CLIC4: variants seen among roughly 807,000 people sequenced by gnomAD.
CLIC4 encodes chloride intracellular channel protein 4.
In CLIC4, 13 loss-of-function variants were observed where a neutral mutation model predicts 24.6. The ratio of observed to expected loss-of-function variants is 0.53; its 90% CI spans 0.34 to 0.84. The LOEUF (loss-of-function observed/expected upper bound fraction) is 0.84. Ranked by LOEUF, CLIC4 falls within the 40% of genes least tolerant of loss-of-function variation. CLIC4 has a pLI of 0.01. For missense variants in CLIC4, 227 were observed against 301.7 expected, an observed-to-expected ratio of 0.75 and a Z score of 1.83; for synonymous variants, 104 against 111.3, an observed-to-expected ratio of 0.93 and a Z score of 0.41.
intron 3 of CLIC4, among the ~76,000 whole-genome samples, chr1:24,821,923 A>G (rs1206428827): frequency 6.6e-6 from 1 of 152,136 alleles, no homozygotes; most frequent in Non-Finnish European, 1.5e-5. Flanking sequence ...CTCTGCTGTT[A>G]TTAATAACAC....
At chr1:24,799,609 G>A (rs1639453537) in intron 2 of CLIC4, among the ~76,000 whole-genome samples, 1 of 141,864 alleles carries the variant, frequency 7.0e-6, no homozygotes, top group African/African-American at 2.8e-5. Context: ...GGGGGGGTCA[G>A]CCCCCCGCCC....
chr1:24,768,323 C>T (rs1480804126), intron 1 of CLIC4, among the ~76,000 whole-genome samples: 1 of 152,128 alleles, frequency 6.6e-6, no homozygotes, highest in Admixed American at 6.5e-5. Flanking sequence ...TTGTGGTATT[C>T]ACCTTTACAA....
chr1:24,763,413 G>T (rs923629608), intron 1 of CLIC4, among the ~76,000 whole-genome samples: 1 of 151,274 alleles, frequency 6.6e-6, no homozygotes, highest in Non-Finnish European at 1.5e-5. Context: ...TGTGGCGCAT[G>T]CTTGTAGTCC....
At chr1:24,784,791 G>A (rs1490364072) in intron 1 of CLIC4, among the ~76,000 whole-genome samples, 1 of 152,030 alleles carries the variant, frequency 6.6e-6, no homozygotes, top group East Asian at 1.9e-4. Flanking sequence ...GGATCACGAG[G>A]TCAGGAGATC....
intron 4 of CLIC4, among the ~76,000 whole-genome samples, chr1:24,831,236 T>A (rs999611856): frequency 6.6e-6 from 1 of 152,250 alleles, no homozygotes; most frequent in African/African-American, 2.4e-5. Context: ...TTGAAAAAAA[T>A]TTATTTAAAT....
rs529950203 is a variant in CLIC4, at chr1:24,762,886, A to G, written c.72+17261A>G. 1.7e-4 allele frequency among the ~76,000 whole-genome samples: 26 copies of G among 152,190 alleles called. 1 individual carries two copies. Among genetic ancestry groups the G allele is most frequent in the Non-Finnish European group, 1.2e-4 (8 of 68,020 alleles). ...GGGATACATATGAAGGGAAGGCTTT[A>G]AAAAGTATGAGCTGTAAGAGCTGGG... On this transcript the variant is annotated intron_variant, in intron 1 of 5. Coordinates refer to ENST00000374379, the MANE Select transcript of CLIC4 (RefSeq NM_013943.3).
Position 24,797,739 on chromosome 1 carries a change from C to CGAA in CLIC4, c.73-3_73-2insGAA. 4 of 1,594,098 alleles carry CGAA rather than the reference C, an allele frequency of 2.5e-6. No individual in the cohort carries two copies. The highest frequency in any genetic ancestry group is 3.4e-6 in the Non-Finnish European group (4 of 1,171,598). ...GTTTTTAATGTTTAATTCTGTTTTC[C>CGAA]AGGCTGGCAGTGATGGTGAAAGCAT... On this transcript the variant is annotated splice_region_variant and splice_polypyrimidine_tract_variant and intron_variant, in intron 1 of 5. Transcript: ENST00000374379.
intron 2 of CLIC4, among the ~76,000 whole-genome samples, chr1:24,808,522 G>A (rs375868399): frequency 2.2e-4 from 30 of 137,642 alleles, no homozygotes; most frequent in African/African-American, 6.7e-4. Flanking sequence ...CCGCCCTGCC[G>A]CCCTTTTTTT....
intron 1 of CLIC4, among the ~76,000 whole-genome samples, chr1:24,771,461 A>G (rs1267622876): frequency 6.6e-6 from 1 of 152,018 alleles, no homozygotes; most frequent in Non-Finnish European, 1.5e-5. Flanking sequence ...TCTTCTTTTT[A>G]TATTTTAAAT....
intron 1 of CLIC4, among the ~76,000 whole-genome samples, chr1:24,784,698 C>G (rs1260407900): frequency 2.0e-5 from 3 of 152,196 alleles, no homozygotes; most frequent in Non-Finnish European, 4.4e-5. Flanking sequence ...GCAGTATCCT[C>G]TGCTTAGCTG....
chr1:24,746,931 G>T (rs1393097386), intron 1 of CLIC4, among the ~76,000 whole-genome samples: 1 of 152,134 alleles, frequency 6.6e-6, no homozygotes, highest in African/African-American at 2.4e-5. Context: ...CGAGGCTGCA[G>T]TGAGCCACGT....
At chr1:24,771,852 A>T in intron 1 of CLIC4, 1 of 514,846 alleles carries the variant, frequency 1.9e-6, no homozygotes. Context: ...TTCAAGTCCT[A>T]TGTGTATCCT....
chr1:24,771,485 A>C (rs1308700331), intron 1 of CLIC4, among the ~76,000 whole-genome samples: 1 of 151,950 alleles, frequency 6.6e-6, no homozygotes, highest in South Asian at 2.1e-4. Context: ...AAAAATTATT[A>C]TGTTCTTCTA....
At position 24,810,113 on chromosome 1, in the gene CLIC4, A is replaced by C. The variant is rs116472244; in HGVS notation, c.183-3981A>C. Among the ~76,000 whole-genome samples, 434 of 152,272 alleles carry C rather than the reference A, an allele frequency of 2.9e-3. 2 individuals are homozygous for C. Among genetic ancestry groups the C allele is most frequent in the Non-Finnish European group, 4.7e-3 (318 of 68,020 alleles). On this transcript the variant is annotated intron_variant, in intron 2 of 5. Transcript: ENST00000374379. ...CATCATGTCGTTTCATCCCTACTTA[A>C]TTCAGTGTATGTCTTCAAACAATGT...
intron 2 of CLIC4, among the ~76,000 whole-genome samples, chr1:24,803,983 G>A (rs1441923395): frequency 6.6e-6 from 1 of 152,026 alleles, no homozygotes. Context: ...ATCTTAAAAG[G>A]CAGTTAGAAA....
chr1:24,813,874 A>G (rs762087236), intron 2 of CLIC4, among the ~76,000 whole-genome samples: 34 of 151,924 alleles, frequency 2.2e-4, no homozygotes, highest in Non-Finnish European at 5.9e-5. Flanking sequence ...ACGCACCACC[A>G]TGCCTGGCTA....
At chr1:24,820,047 C>CA (rs1192221324) in intron 3 of CLIC4, among the ~76,000 whole-genome samples, 3 of 87,570 alleles carry the variant, frequency 3.4e-5, no homozygotes, top group African/African-American at 1.2e-4. Context: ...AGCCATACTT[C>CA]AAAAAAAAAA....
intron 4 of CLIC4, 27 bp from the exon 5 acceptor site, chr1:24,839,833 T>A: frequency 1.9e-6 from 3 of 1,596,482 alleles, no homozygotes; most frequent in Non-Finnish European, 2.6e-6. Flanking sequence ...TCTTACAGTA[T>A]TCTCATCTCT....
intron 3 of CLIC4, among the ~76,000 whole-genome samples, chr1:24,814,698 G>A (rs531661195): frequency 6.6e-6 from 1 of 152,320 alleles, no homozygotes; most frequent in East Asian, 1.9e-4. Flanking sequence ...AGGATTCAGA[G>A]TTTTTATTTA....
Sources: allele counts gnomAD v4.1 joint callset (sites outside exome capture counted in the v4.1 genomes callset), GRCh38; gene constraint gnomAD v4.1.1; transcripts MANE v1.5; gene names NCBI Gene and HGNC (gene_info 2026-07-23, HGNC 2026-07-21).